SERPINI1: variants seen among roughly 807,000 people sequenced by gnomAD.
SERPINI1 encodes the protein serpin family I member 1.
In SERPINI1, 19 loss-of-function variants were observed where a neutral mutation model predicts 41.1. That is an observed-to-expected ratio of 0.46 (90% confidence interval 0.32 to 0.68). The LOEUF is 0.68. SERPINI1 is among the 30% of genes least tolerant of loss of function. The pLI is 0.03. For synonymous variants in SERPINI1, 138 were observed against 156.6 expected, an observed-to-expected ratio of 0.88 and a Z score of 0.89; for missense variants, 460 against 479.2, an observed-to-expected ratio of 0.96 and a Z score of 0.37.
At chr3:167,741,465 A>G (rs1159580755) in intron 1 of SERPINI1, among the ~76,000 whole-genome samples, 4 of 152,084 alleles carry the variant, frequency 2.6e-5, no homozygotes, top group Non-Finnish European at 5.9e-5. Flanking sequence ...AACATTTCTG[A>G]TATTTTACCC....
chr3:167,789,756 G>GA (rs1424110779), intron 2 of SERPINI1, among the ~76,000 whole-genome samples: 1 of 152,072 alleles, frequency 6.6e-6, no homozygotes, highest in East Asian at 1.9e-4. Context: ...AAGAATATCA[G>GA]AAATTTTTGC....
At chr3:167,785,598 G>A (rs1375815551) in intron 1 of SERPINI1, among the ~76,000 whole-genome samples, 1 of 152,160 alleles carries the variant, frequency 6.6e-6, no homozygotes, top group Non-Finnish European at 1.5e-5. Context: ...GAGATAATAA[G>A]TGTCTGTACT....
intron 1 of SERPINI1, among the ~76,000 whole-genome samples, chr3:167,744,614 T>TAA (rs1725787817): frequency 7.2e-6 from 1 of 139,044 alleles, no homozygotes; most frequent in Non-Finnish European, 1.5e-5. Context: ...TTTATATATA[T>TAA]AACTATATTT....
At chr3:167,785,829 A>T (rs1727284309) in intron 1 of SERPINI1, among the ~76,000 whole-genome samples, 1 of 152,248 alleles carries the variant, frequency 6.6e-6, no homozygotes. Context: ...ATTCATGTTA[A>T]ATGCAGTGGT....
At chr3:167,748,076 G>C (rs992648254) in intron 1 of SERPINI1, among the ~76,000 whole-genome samples, 1 of 150,552 alleles carries the variant, frequency 6.6e-6, no homozygotes, top group East Asian at 1.9e-4. Context: ...ATAATACTTA[G>C]GAACAAAAAA....
At chr3:167,786,700 A>C (rs1346810460) in intron 1 of SERPINI1, among the ~76,000 whole-genome samples, 4 of 150,754 alleles carry the variant, frequency 2.7e-5, no homozygotes, top group Non-Finnish European at 5.9e-5. Flanking sequence ...CTTTGGCTAT[A>C]CTAAATTTAT....
At chr3:167,820,249 C>T (rs762537856) in intron 6 of SERPINI1, among the ~76,000 whole-genome samples, 8 of 152,164 alleles carry the variant, frequency 5.3e-5, no homozygotes, top group African/African-American at 1.2e-4. Flanking sequence ...CCCATGACCC[C>T]GGCTACAGCA....
intron 6 of SERPINI1, among the ~76,000 whole-genome samples, chr3:167,814,490 T>G (rs1367110152): frequency 6.6e-6 from 1 of 152,144 alleles, no homozygotes. Context: ...TATGCTAGGG[T>G]TCTGTTATAA....
chr3:167,787,561 T>C (rs1727354939), intron 1 of SERPINI1, among the ~76,000 whole-genome samples: 1 of 152,182 alleles, frequency 6.6e-6, no homozygotes, highest in Non-Finnish European at 1.5e-5. Context: ...GCTGTGCTCT[T>C]GGCACCTGGC....
At chr3:167,736,480 G>T (rs1410051873) in intron 1 of SERPINI1, among the ~76,000 whole-genome samples, 1 of 152,186 alleles carries the variant, frequency 6.6e-6, no homozygotes, top group Non-Finnish European at 1.5e-5. Context: ...TTGGAACAAA[G>T]ACCTGGATTC....
At chr3:167,778,569 G>T (rs1010627729) in intron 1 of SERPINI1, among the ~76,000 whole-genome samples, 5 of 152,214 alleles carry the variant, frequency 3.3e-5, no homozygotes, top group Non-Finnish European at 5.9e-5. Flanking sequence ...GGTGGCATCA[G>T]TTGGTCCACC....
intron 7 of SERPINI1, 152 bp from the exon 8 acceptor site, chr3:167,824,321 T>C (rs1712444730): frequency 1.7e-6 from 1 of 581,342 alleles, no homozygotes; most frequent in Non-Finnish European, 3.1e-6. Flanking sequence ...TGTTAACACC[T>C]TTATAATTTT....
At chr3:167,823,784 A>T (rs1276866699) in intron 7 of SERPINI1, among the ~76,000 whole-genome samples, 1 of 152,174 alleles carries the variant, frequency 6.6e-6, no homozygotes, top group East Asian at 1.9e-4. Context: ...GTATTTTCCG[A>T]AGTAAATAAG....
intron 1 of SERPINI1, among the ~76,000 whole-genome samples, chr3:167,760,974 A>G (rs1726360098): frequency 6.6e-6 from 1 of 152,192 alleles, no homozygotes; most frequent in South Asian, 2.1e-4. Context: ...TTTGAACAAG[A>G]TTTAACACTA....
chr3:167,767,371 A>G (rs1726601513), intron 1 of SERPINI1, among the ~76,000 whole-genome samples: 1 of 152,200 alleles, frequency 6.6e-6, no homozygotes, highest in South Asian at 2.1e-4. Flanking sequence ...GCTCGTTGAC[A>G]GTGTATCTGA....
chr3:167,819,734 A>G (rs1227709327), intron 6 of SERPINI1, among the ~76,000 whole-genome samples: 1 of 152,198 alleles, frequency 6.6e-6, no homozygotes. Context: ...TTGAAGGAAA[A>G]TGTATTTTGT....
At chr3:167,769,144 C>A (rs543484503) in intron 1 of SERPINI1, among the ~76,000 whole-genome samples, 11 of 152,208 alleles carry the variant, frequency 7.2e-5, no homozygotes, top group African/African-American at 1.9e-4. Flanking sequence ...CAGGTGCACA[C>A]CACCATGCCC....
intron 6 of SERPINI1, among the ~76,000 whole-genome samples, chr3:167,814,233 A>T (rs530033656): frequency 6.6e-6 from 1 of 152,192 alleles, no homozygotes; most frequent in Non-Finnish European, 1.5e-5. Flanking sequence ...TTAGGAAGGA[A>T]CTATTTAGTT....
chr3:167,744,648 A>C (rs1283231433), intron 1 of SERPINI1, among the ~76,000 whole-genome samples: 1 of 130,574 alleles, frequency 7.7e-6, no homozygotes. Context: ...TTATATATAA[A>C]TATATATAAA....
Sources: gnomAD v4.1 joint callset for allele counts (sites outside exome capture counted in the v4.1 genomes callset) on GRCh38, gnomAD v4.1.1 for gene constraint, MANE v1.5 for transcripts, NCBI Gene and HGNC (gene_info 2026-07-23, HGNC 2026-07-21) for gene names.